The following RTKN2 variants were observed in gnomAD, a reference collection of about 807,000 sequenced individuals.
The protein encoded by RTKN2 is rhotekin-2.
RTKN2 carries 69 observed loss-of-function variants against 71.5 expected under a neutral mutation model. The ratio of observed to expected loss-of-function variants is 0.96; its 90% CI spans 0.79 to 1.18. The LOEUF is 1.18. Ranked by LOEUF, RTKN2 falls within the 50% of genes most tolerant of loss-of-function variation. RTKN2 has a pLI of 0.00. For synonymous variants in RTKN2, 236 were observed against 236.5 expected (o/e 1.00, Z 0.02); for missense variants, 724 against 719.7 (o/e 1.01, Z -0.07).
intron 2 of RTKN2, among the ~76,000 whole-genome samples, chr10:62,246,915 AT>A (rs1324895504): frequency 6.6e-6 from 1 of 152,026 alleles, no homozygotes; most frequent in Non-Finnish European, 1.5e-5. Flanking sequence ...ATCTTTGACT[AT>A]TTCCCTAATA....
In RTKN2 at chr10:62,198,389, A is replaced by T; in HGVS notation, c.1349T>A (p.Ile450Asn). The T allele has an allele frequency of 1.3e-6, 2 of 1,530,892 alleles. No individual in the cohort carries two copies. The highest frequency in any genetic ancestry group is 1.9e-5 in the Admixed American group (1 of 52,844). 94.8% of individuals were successfully genotyped at this position (1,530,892 alleles called of 1,614,324 possible). The part of the protein sequence containing the change: ...ESLTDIIQKK[I>N]EETNGQFLIG... ...AAGGAACTGCCCATTTGTCTCTTCA[A>T]TTTTTTTTTGTATTATATCCGTTAA... The change falls in exon 12 of 12, where the codon ATT becomes AAT. Residue 450 changes from isoleucine (I) to asparagine (N), a missense_variant. By Grantham distance (149) the Ile-to-Asn change is moderately radical (BLOSUM62 -3). Coordinates refer to ENST00000373789, the MANE Select transcript of RTKN2 (RefSeq NM_145307.4).
intron 1 of RTKN2, among the ~76,000 whole-genome samples, chr10:62,264,535 T>TGG (rs1564533697): frequency 6.6e-6 from 1 of 152,248 alleles, no homozygotes; most frequent in Non-Finnish European, 1.5e-5. Flanking sequence ...GTGACCCATA[T>TGG]GTCTATAGAA....
rs1842433106 is a variant in RTKN2 at position 62,244,089 on chromosome 10, C to T, written c.316+1910G>A. 3.3e-5 allele frequency among the ~76,000 whole-genome samples: 5 copies of T among 152,236 alleles called. No homozygotes were observed. The South Asian group carries it at 1.0e-3, about 32-fold the overall frequency. On this transcript the variant is annotated intron_variant, in intron 3 of 11. Transcript: ENST00000373789. ...AACAGAAAACCCAGGTATTTTCTGGCTATCAATGTAATCTCAAAACATTAT... is the reference window on the plus strand; with the variant it reads ...AACAGAAAACCCAGGTATTTTCTGGTTATCAATGTAATCTCAAAACATTAT...
chr10:62,241,944 C>A (rs1236864085), intron 3 of RTKN2, among the ~76,000 whole-genome samples: 5 of 152,030 alleles, frequency 3.3e-5, no homozygotes, highest in African/African-American at 1.2e-4. Flanking sequence ...CGTGATCCGC[C>A]TGCCTAGGCC....
In RTKN2 at chr10:62,206,937, G is replaced by C. The variant is rs1249711431; in HGVS notation, c.1021-1915C>G. 4.6e-5 allele frequency among the ~76,000 whole-genome samples: 7 copies of C among 151,940 alleles called. No homozygotes were observed. The East Asian group carries it at 1.4e-3, about 29-fold the overall frequency. On this transcript the variant is annotated intron_variant, in intron 9 of 11. Coordinates refer to ENST00000373789, the MANE Select transcript of RTKN2 (RefSeq NM_145307.4). ...CAAGCAGAGAATGACTTAAGCTCTA[G>C]GAAGAATCTTTGATATGCTACTCTT... is the stretch of plus-strand genomic sequence containing the variant.
chr10:62,203,717 T>C (rs2132822911), intron 10 of RTKN2, among the ~76,000 whole-genome samples: 1 of 152,284 alleles, frequency 6.6e-6, no homozygotes, highest in South Asian at 2.1e-4. Context: ...TTATTGAGTG[T>C]CTAGGGATGA....
At position 62,236,224 on chromosome 10, in the gene RTKN2, C is replaced by T. The variant is rs3852448; in HGVS notation, c.528G>A (p.Val176=). 1,409,804 of 1,610,226 alleles carry T rather than the reference C, an allele frequency of 0.88. 618,005 individuals carry two copies. The highest frequency in any genetic ancestry group is 0.99 in the East Asian group (44,386 of 44,726). The part of the protein sequence containing the change: ...AGPDFQIKVE[V]YSCCTEESSI... ...AAGATTCTTCTGTACAGCAACTATA[C>T]ACTTCCACCTTTATCTGAAAGTCTG... Residue 176 remains valine (V), a synonymous_variant, in exon 6 of 12, where the codon GTG becomes GTA. Transcript: ENST00000373789.
At chr10:62,200,180 T>C (rs541589244) in intron 10 of RTKN2, among the ~76,000 whole-genome samples, 1 of 151,956 alleles carries the variant, frequency 6.6e-6, no homozygotes, top group South Asian at 2.1e-4. Flanking sequence ...CTGGCCAACA[T>C]GGGGAAACCC....
Position 62,193,412 on chromosome 10 carries a change from C to T in RTKN2, c.*4496G>A, listed in dbSNP as rs1163593494. 1 of 981,124 alleles carries T rather than the reference C, an allele frequency of 1.0e-6. No individual in the cohort carries two copies. Among genetic ancestry groups the T allele is most frequent in the Admixed American group, 6.2e-5 (1 of 16,246 alleles). 60.8% of individuals were successfully genotyped at this position (981,124 alleles called of 1,614,324 possible). A position where few individuals can be genotyped will look rare whatever the true frequency, so the allele number is the denominator to read the frequency against. ...GTCAGCATTAGTATTTTCTCCCATA[C>T]TCAGATAAAGAAAAATGTTTGTTAA... On this transcript the variant is annotated 3_prime_UTR_variant, in exon 12 of 12. Coordinates refer to ENST00000373789, the MANE Select transcript of RTKN2 (RefSeq NM_145307.4).
At chr10:62,191,284 G>A (rs73280302), downstream of RTKN2, among the ~76,000 whole-genome samples, 265 of 152,204 alleles carry the variant, frequency 1.7e-3, no homozygotes, top group African/African-American at 6.1e-3. Context: ...CTGCAGGCAT[G>A]TGCCACCACA....
At chr10:62,250,270 G>C (rs1014707470) in intron 2 of RTKN2, among the ~76,000 whole-genome samples, 9 of 152,188 alleles carry the variant, frequency 5.9e-5, no homozygotes, top group African/African-American at 9.7e-5. Flanking sequence ...AAAGTACTTT[G>C]ATTCAAAAGT....
chr10:62,213,130 G>A (rs541064155), intron 9 of RTKN2, among the ~76,000 whole-genome samples: 2 of 152,290 alleles, frequency 1.3e-5, no homozygotes, highest in East Asian at 3.9e-4. Flanking sequence ...AGTAGTATGA[G>A]AAAATCACCC....
In RTKN2 at chr10:62,204,934, G is replaced by T. The variant is rs878870027; in HGVS notation, c.1109C>A (p.Thr370Asn). 5.6e-6 allele frequency: 9 copies of T among 1,604,842 alleles called. No homozygotes were observed. The Admixed American group carries it at 1.4e-4, about 24-fold the overall frequency. ...VINPVPGQAITQIFAVDNRED... is the reference protein window; with the variant it reads ...VINPVPGQAINQIFAVDNRED... ...TCTATTGTCAACTGCAAAAATCTGA[G>T]TTATAGCTTGTCCAGGAACAGGATT... Residue 370 changes from threonine to asparagine, a missense_variant, in exon 10 of 12, where the codon ACT (threonine) becomes AAT (asparagine). By Grantham distance (65) the Thr-to-Asn change is moderately conservative (BLOSUM62 0). Coordinates refer to ENST00000373789, the MANE Select transcript of RTKN2 (RefSeq NM_145307.4).
At position 62,198,380 on chromosome 10, in the gene RTKN2, G is replaced by A. The variant is rs960866091; in HGVS notation, c.1358C>T (p.Thr453Ile). ...TDIIQKKIEE[T>I]NGQFLIGQHE... The stretch of plus-strand genomic sequence containing the variant: ...CTGACCAATAAGGAACTGCCCATTT[G>A]TCTCTTCAATTTTTTTTTGTATTAT... The change falls in exon 12 of 12, where the codon ACA becomes ATA. Residue 453 changes from threonine to isoleucine, a missense_variant. Physicochemically the swap from Thr to Ile is moderately conservative, Grantham distance 89. Coordinates refer to ENST00000373789, the MANE Select transcript of RTKN2 (RefSeq NM_145307.4). The A allele has an allele frequency of 1.3e-6, 2 of 1,597,432 alleles. No homozygotes were observed. Among genetic ancestry groups the A allele is most frequent in the Non-Finnish European group, 1.7e-6 (2 of 1,175,220 alleles).
At chr10:62,233,393 T>G (rs898786932) in intron 6 of RTKN2, among the ~76,000 whole-genome samples, 2 of 152,150 alleles carry the variant, frequency 1.3e-5, no homozygotes, top group Non-Finnish European at 2.9e-5. Context: ...ATCCTTGATA[T>G]AATATTAATG....
rs1841256156 is a variant in RTKN2 at position 62,193,410 on chromosome 10, T to C, written c.*4498A>G. On this transcript the variant is annotated 3_prime_UTR_variant, in exon 12 of 12. Transcript: ENST00000373789. ...GTGTCAGCATTAGTATTTTCTCCCA[T>C]ACTCAGATAAAGAAAAATGTTTGTT... 1.0e-6 allele frequency: 1 copy of C among 980,720 alleles called. No individual in the cohort carries two copies. The highest frequency in any genetic ancestry group is 4.7e-5 in the South Asian group (1 of 21,200). 60.8% of individuals were successfully genotyped at this position (980,720 alleles called of 1,614,324 possible).
At position 62,218,300 on chromosome 10, in the gene RTKN2, C is replaced by T. The variant is rs1015812079; in HGVS notation, c.783G>A (p.Glu261=). ...ACAGGGGAAGCCAAAATGAAGACTCCTCTATTTAAAGGAGAAAGAAAAAAA... is the reference window on the plus strand; with the variant it reads ...ACAGGGGAAGCCAAAATGAAGACTCTTCTATTTAAAGGAGAAAGAAAAAAA... ...KTHNLSINGN[E]ESSFWLPLYG... Residue 261 remains glutamate, a splice_region_variant and synonymous_variant, in exon 8 of 12, where the codon GAG becomes GAA. Transcript: ENST00000373789. 4 of 1,576,490 alleles carry T rather than the reference C, an allele frequency of 2.5e-6. No homozygotes were observed. Among genetic ancestry groups the T allele is most frequent in the Non-Finnish European group, 3.4e-6 (4 of 1,160,312 alleles).
At chr10:62,191,188 G>C (rs1056327791), downstream of RTKN2, among the ~76,000 whole-genome samples, 3 of 152,156 alleles carry the variant, frequency 2.0e-5, no homozygotes, top group African/African-American at 7.2e-5. Flanking sequence ...CTGGAGTACA[G>C]TGACTCGATC....
chr10:62,215,018 G>A (rs1040439665), intron 9 of RTKN2: 1 of 1,336,268 alleles, frequency 7.5e-7, no homozygotes, highest in East Asian at 2.6e-5. Context: ...TGTCATCCCT[G>A]CTTTGCCTAC....
Sources: allele counts gnomAD v4.1 joint callset (sites outside exome capture counted in the v4.1 genomes callset), GRCh38; gene constraint gnomAD v4.1.1; transcripts MANE v1.5; gene names NCBI Gene and HGNC (gene_info 2026-07-23, HGNC 2026-07-21).